SAMSN1: variants seen among roughly 807,000 people sequenced by gnomAD.
SAMSN1 encodes SAM domain-containing protein SAMSN-1.
Under a neutral mutation model 42.0 loss-of-function variants are expected in SAMSN1, and 31 were observed. That is an observed-to-expected ratio of 0.74 (90% CI 0.55 to 1.00). The LOEUF (loss-of-function observed/expected upper bound fraction) is 1.00. Ranked by LOEUF, SAMSN1 falls within the 50% of genes least tolerant of loss-of-function variation. The probability of loss-of-function intolerance (pLI) is 0.00; values close to 1 mark genes in which losing one functional copy is unlikely to be tolerated. For synonymous variants in SAMSN1, 178 were observed against 151.9 expected, an observed-to-expected ratio of 1.17 and a Z score of -1.26; for missense variants, 464 against 439.4, an observed-to-expected ratio of 1.06 and a Z score of -0.50.
At chr21:14,489,470 T>C (rs1025954171) in intron 7 of SAMSN1, among the ~76,000 whole-genome samples, 4 of 152,170 alleles carry the variant, frequency 2.6e-5, no homozygotes, top group Non-Finnish European at 5.9e-5. Flanking sequence ...ATCCACATTG[T>C]TTTTAATGAA....
intron 4 of SAMSN1, among the ~76,000 whole-genome samples, chr21:14,511,609 G>C (rs540013630): frequency 1.3e-5 from 2 of 152,248 alleles, no homozygotes; most frequent in South Asian, 4.2e-4. Context: ...AGAAGCAGTT[G>C]ATTTAAAAGG....
chr21:14,606,992 C>T (rs576818793), intron 5 of SAMSN1, among the ~76,000 whole-genome samples: 1 of 152,142 alleles, frequency 6.6e-6, no homozygotes, highest in African/African-American at 2.4e-5. Context: ...GTAGAAATAT[C>T]ATTTTGAAAT....
At chr21:14,598,844 A>G (rs1261690061) in intron 6 of SAMSN1, among the ~76,000 whole-genome samples, 3 of 152,172 alleles carry the variant, frequency 2.0e-5, no homozygotes, top group Non-Finnish European at 4.4e-5. Flanking sequence ...ACTTTATCCC[A>G]TGTTACTAAT....
chr21:14,561,583 G>A (rs976843907), intron 2 of SAMSN1, among the ~76,000 whole-genome samples: 3 of 152,156 alleles, frequency 2.0e-5, no homozygotes, highest in Non-Finnish European at 4.4e-5. Flanking sequence ...GAAGCATTTG[G>A]ATGGCATGTG....
At chr21:14,542,318 CTG>C (rs368196259) in intron 1 of SAMSN1, among the ~76,000 whole-genome samples, 73 of 152,282 alleles carry the variant, frequency 4.8e-4, no homozygotes, top group African/African-American at 1.7e-3. Context: ...TCATCTAACT[CTG>C]TGTCTTCTTC....
At chr21:14,521,577 A>G (rs1055631253) in intron 1 of SAMSN1, among the ~76,000 whole-genome samples, 2 of 152,296 alleles carry the variant, frequency 1.3e-5, no homozygotes, top group African/African-American at 4.8e-5. Context: ...CCACAAACTT[A>G]ACAGCATGTA....
At chr21:14,639,870 C>A (rs758854677) in intron 2 of SAMSN1, among the ~76,000 whole-genome samples, 20 of 152,028 alleles carry the variant, frequency 1.3e-4, no homozygotes, top group Non-Finnish European at 5.9e-5. Context: ...CCTATTATTT[C>A]TCTTTTAAAC....
intron 7 of SAMSN1, among the ~76,000 whole-genome samples, chr21:14,493,574 AAC>A (rs201460166): frequency 0.055 from 5,608 of 102,070 alleles, 109 homozygotes; most frequent in Middle Eastern, 0.081. Context: ...TTTATGGAAC[AAC>A]ACACACACAC....
At chr21:14,612,156 C>T (rs141423880) in intron 4 of SAMSN1, among the ~76,000 whole-genome samples, 2,316 of 152,282 alleles carry the variant, frequency 0.015, 63 homozygotes, top group African/African-American at 0.053. Context: ...TTGCTTGAAC[C>T]CGGGAGGCAG....
At chr21:14,544,579 T>C (rs1980265511) in intron 1 of SAMSN1, among the ~76,000 whole-genome samples, 2 of 152,212 alleles carry the variant, frequency 1.3e-5, no homozygotes, top group African/African-American at 4.8e-5. Context: ...AAAATAAGAA[T>C]TCATTCACAA....
At chr21:14,655,228 A>G (rs1170248747) in intron 1 of SAMSN1, among the ~76,000 whole-genome samples, 1 of 151,880 alleles carries the variant, frequency 6.6e-6, no homozygotes. Flanking sequence ...CTTTCATAAG[A>G]GAGAATTAGA....
chr21:14,563,812 T>G (rs537049944), intron 2 of SAMSN1, among the ~76,000 whole-genome samples: 32 of 152,328 alleles, frequency 2.1e-4, no homozygotes, highest in Non-Finnish European at 3.8e-4. Context: ...ATAAAATACT[T>G]GGAAGGAGCT....
At chr21:14,516,843 TAAGA>T (rs1987940101) in intron 3 of SAMSN1, 45 bp downstream of exon 3, 2 of 1,495,220 alleles carry the variant, frequency 1.3e-6, no homozygotes, top group Non-Finnish European at 1.8e-6. Context: ...CTGAATAGTT[TAAGA>T]AAGTTTTAGT....
In SAMSN1 at chr21:14,577,455, A is replaced by T. The variant is rs566755549; in HGVS notation, c.261+4681T>A. Among the ~76,000 whole-genome samples, 94 of 151,048 alleles carry T rather than the reference A, an allele frequency of 6.2e-4. 1 individual carries two copies. Among genetic ancestry groups the T allele is most frequent in the African/African-American group, 2.1e-3 (87 of 41,122 alleles). Reference sequence around the variant, plus strand: ...AAAAATAATTTGTTTATCCTTATAAATCTGAAAAAGTCTCCCAGATTTTGA... The same window carrying T: ...AAAAATAATTTGTTTATCCTTATAATTCTGAAAAAGTCTCCCAGATTTTGA... On this transcript the variant is annotated intron_variant, in intron 2 of 8. Transcript: ENST00000285670.
intron 1 of SAMSN1, among the ~76,000 whole-genome samples, chr21:14,654,994 G>T (rs1185183850): frequency 1.3e-5 from 2 of 151,746 alleles, no homozygotes; most frequent in African/African-American, 4.8e-5. Flanking sequence ...TTTAATTCCA[G>T]ATGAAATTAA....
At chr21:14,625,248 A>G (rs1393709601) in intron 2 of SAMSN1, among the ~76,000 whole-genome samples, 2 of 152,100 alleles carry the variant, frequency 1.3e-5, no homozygotes, top group East Asian at 3.9e-4. Context: ...CACCACTCCT[A>G]TTCAACATAG....
At chr21:14,551,306 G>A (rs138889649), upstream of SAMSN1, among the ~76,000 whole-genome samples, 1 of 151,916 alleles carries the variant, frequency 6.6e-6, no homozygotes. Context: ...TAAATAGAAG[G>A]GACCAATGGC....
At chr21:14,545,295 C>T (rs906583425) in intron 1 of SAMSN1, among the ~76,000 whole-genome samples, 4 of 152,050 alleles carry the variant, frequency 2.6e-5, no homozygotes, top group Non-Finnish European at 5.9e-5. Context: ...AAACCAATCT[C>T]TTTCTCTGAA....
At chr21:14,512,396 A>C in intron 4 of SAMSN1, 48 bp downstream of exon 4, 1 of 1,597,556 alleles carries the variant, frequency 6.3e-7, no homozygotes. Context: ...TAATTAATTT[A>C]ACCCAGACCT....
Sources: gnomAD v4.1 joint callset for allele counts (sites outside exome capture counted in the v4.1 genomes callset) on GRCh38, gnomAD v4.1.1 for gene constraint, MANE v1.5 for transcripts, NCBI Gene and HGNC (gene_info 2026-07-23, HGNC 2026-07-21) for gene names.